Variants in NRG3 observed in about 807,000 individuals in gnomAD.
The protein encoded by NRG3 is pro-neuregulin-3, membrane-bound isoform.
A neutral mutation model predicts 66.9 loss-of-function variants in NRG3; 31 were observed. The observed-to-expected ratio is 0.46, with a 90% confidence interval of 0.35 to 0.63. NRG3 has a LOEUF of 0.63. NRG3 is among the 20% of genes least tolerant of loss of function. The pLI is 0.00. For synonymous variants in NRG3, 393 were observed against 359.4 expected (o/e 1.09, Z -1.06); for missense variants, 910 against 878.9 (o/e 1.04, Z -0.45).
At chr10:82,154,063 AG>A (rs2070998496) in intron 1 of NRG3, among the ~76,000 whole-genome samples, 1 of 151,798 alleles carries the variant, frequency 6.6e-6, no homozygotes, top group Non-Finnish European at 1.5e-5. Context: ...CTATGCAAAA[AG>A]TTTTTAGTTT....
intron 2 of NRG3, among the ~76,000 whole-genome samples, chr10:82,655,787 C>G (rs1161944667): frequency 6.6e-6 from 1 of 152,086 alleles, no homozygotes; most frequent in Admixed American, 6.5e-5. Flanking sequence ...TATTATGTGA[C>G]TATTAGCAAG....
chr10:82,581,669 GTTA>G (rs932443831), intron 2 of NRG3, among the ~76,000 whole-genome samples: 4 of 151,932 alleles, frequency 2.6e-5, no homozygotes, highest in African/African-American at 4.8e-5. Context: ...GTTGCTCAAT[GTTA>G]TTATTGTATT....
intron 1 of NRG3, among the ~76,000 whole-genome samples, chr10:81,992,838 A>G (rs1176679670): frequency 6.6e-6 from 1 of 152,208 alleles, no homozygotes; most frequent in Non-Finnish European, 1.5e-5. Context: ...AAGTCCTGCA[A>G]GATGCCCAAA....
intron 1 of NRG3, among the ~76,000 whole-genome samples, chr10:82,307,698 T>TAAAATA (rs879276377): frequency 8.5e-5 from 13 of 152,098 alleles, no homozygotes; most frequent in Non-Finnish European, 1.6e-4. Flanking sequence ...ATTTATTAGG[T>TAAAATA]TGGTGCAAAA....
chr10:82,393,216 A>G lies in NRG3; in HGVS notation c.953+34348A>G, dbSNP rs73310892. ...TAGTTGCCTTAAGTAGTGTTTTCCTAGAAGACCCCTCAGAAGTAAAGAAAC... is the reference window on the plus strand; with the variant it reads ...TAGTTGCCTTAAGTAGTGTTTTCCTGGAAGACCCCTCAGAAGTAAAGAAAC... On this transcript the variant is annotated intron_variant, in intron 2 of 8. Coordinates refer to ENST00000372141, the MANE Select transcript of NRG3 (RefSeq NM_001010848.4). Among the ~76,000 whole-genome samples, 851 of 152,258 alleles carry G rather than the reference A, an allele frequency of 5.6e-3. 8 individuals are homozygous for G. The highest frequency in any genetic ancestry group is 0.02 in the African/African-American group (826 of 41,546).
At chr10:82,025,833 G>A (rs758216787) in intron 1 of NRG3, among the ~76,000 whole-genome samples, 3 of 152,030 alleles carry the variant, frequency 2.0e-5, no homozygotes, top group Non-Finnish European at 4.4e-5. Context: ...ATTTTGGATA[G>A]TTTTTTGTTT....
chr10:82,404,024 A>C (rs2087309565), intron 2 of NRG3, among the ~76,000 whole-genome samples: 1 of 152,024 alleles, frequency 6.6e-6, no homozygotes, highest in East Asian at 1.9e-4. Flanking sequence ...TTAAAGGTTT[A>C]GATATTGGAA....
chr10:82,019,848 C>G (rs2061978765), intron 1 of NRG3, among the ~76,000 whole-genome samples: 1 of 151,868 alleles, frequency 6.6e-6, no homozygotes. Flanking sequence ...ATTAGTCTTG[C>G]TAGCGGTCTA....
rs186467229 is a variant in NRG3, at chr10:82,137,869, A to C, written c.824-220870A>C. Among the ~76,000 whole-genome samples, 23 of 152,284 alleles carry C rather than the reference A, an allele frequency of 1.5e-4. 1 individual carries two copies. The East Asian group carries it at 3.7e-3, about 24-fold the overall frequency. On this transcript the variant is annotated intron_variant, in intron 1 of 8. Transcript: ENST00000372141. ...AATACCCCAGAATCTATTTCACTCTAAAACTGAATGCTAACATGCCCTTAG... is the reference window on the plus strand; with the variant it reads ...AATACCCCAGAATCTATTTCACTCTCAAACTGAATGCTAACATGCCCTTAG...
intron 4 of NRG3, among the ~76,000 whole-genome samples, chr10:82,884,135 C>T (rs945479888): frequency 6.6e-6 from 1 of 151,454 alleles, no homozygotes; most frequent in African/African-American, 2.4e-5. Context: ...TTTGTTTTAC[C>T]TGTCTACCAT....
intron 3 of NRG3, among the ~76,000 whole-genome samples, chr10:82,756,360 G>T (rs2059077700): frequency 1.3e-5 from 2 of 152,034 alleles, no homozygotes; most frequent in South Asian, 4.1e-4. Context: ...GCTTCCAATG[G>T]CAGGCAAATC....
intron 2 of NRG3, among the ~76,000 whole-genome samples, chr10:82,660,705 A>AT (rs1320776435): frequency 6.6e-6 from 1 of 151,880 alleles, no homozygotes; most frequent in Admixed American, 6.6e-5. Context: ...CGTTCCTGTT[A>AT]TTTTTTTCTA....
chr10:82,546,279 C>G (rs2043909570), intron 2 of NRG3, among the ~76,000 whole-genome samples: 1 of 152,176 alleles, frequency 6.6e-6, no homozygotes, highest in South Asian at 2.1e-4. Context: ...TTGAACTACA[C>G]TAGATTTCTT....
At chr10:82,240,258 C>A (rs955993957) in intron 1 of NRG3, among the ~76,000 whole-genome samples, 2 of 151,586 alleles carry the variant, frequency 1.3e-5, no homozygotes, top group African/African-American at 2.4e-5. Flanking sequence ...AAGAGAAATT[C>A]TCTATTAAAG....
chr10:82,947,626 C>T (rs896569336), intron 4 of NRG3, among the ~76,000 whole-genome samples: 4 of 151,944 alleles, frequency 2.6e-5, no homozygotes, highest in Admixed American at 6.6e-5. Context: ...CCTATTCTAG[C>T]GGGGGTGCCA....
chr10:82,251,332 A>T (rs1486556647), intron 1 of NRG3, among the ~76,000 whole-genome samples: 2 of 152,038 alleles, frequency 1.3e-5, no homozygotes, highest in African/African-American at 4.8e-5. Context: ...AAGAGCATGG[A>T]TCTTGCTTCC....
At chr10:82,719,166 A>G (rs192355400) in intron 2 of NRG3, among the ~76,000 whole-genome samples, 1 of 152,266 alleles carries the variant, frequency 6.6e-6, no homozygotes, top group East Asian at 1.9e-4. Context: ...ACCTGTGCAC[A>G]TGCAGTTGTG....
intron 2 of NRG3, among the ~76,000 whole-genome samples, chr10:82,584,063 T>G (rs552507179): frequency 6.6e-6 from 1 of 152,118 alleles, no homozygotes; most frequent in East Asian, 1.9e-4. Context: ...GCAAATACGT[T>G]TTTGTTGTTG....
intron 2 of NRG3, among the ~76,000 whole-genome samples, chr10:82,531,203 T>G (rs967514067): frequency 6.6e-6 from 1 of 151,772 alleles, no homozygotes; most frequent in South Asian, 2.1e-4. Context: ...AAATATGAAA[T>G]TTATTATACA....
Sources: allele counts gnomAD v4.1 joint callset (sites outside exome capture counted in the v4.1 genomes callset), GRCh38; gene constraint gnomAD v4.1.1; transcripts MANE v1.5; gene names NCBI Gene and HGNC (gene_info 2026-07-23, HGNC 2026-07-21).